The following FREM2 variants were observed in gnomAD, a reference collection of about 807,000 sequenced individuals.
FREM2 encodes FRAS1-related extracellular matrix protein 2.
FREM2 carries 119 observed loss-of-function variants against 219.9 expected under a neutral mutation model. The ratio of observed to expected loss-of-function variants is 0.54; its 90% CI spans 0.47 to 0.63. The LOEUF (loss-of-function observed/expected upper bound fraction) is 0.63. Ranked by LOEUF, FREM2 falls within the 30% of genes least tolerant of loss-of-function variation. The pLI, the probability that FREM2 is intolerant of heterozygous loss-of-function variation, is 0.00. For synonymous variants in FREM2, 1,562 were observed against 1,522.8 expected, an observed-to-expected ratio of 1.03 and a Z score of -0.60; for missense variants, 4,030 against 3,993.6, an observed-to-expected ratio of 1.01 and a Z score of -0.25.
At position 38,846,599 on chromosome 13, in the gene FREM2, G is replaced by C. The variant is rs1877163436; in HGVS notation, c.6046G>C (p.Glu2016Gln). The C allele has an allele frequency of 1.2e-6, 2 of 1,613,718 alleles. No individual in the cohort carries two copies. The highest frequency in any genetic ancestry group is 1.7e-6 in the Non-Finnish European group (2 of 1,179,776). Residue 2016 changes from glutamate (E) to glutamine (Q), a missense_variant, in exon 7 of 24, where the codon GAA becomes CAA. By Grantham distance (29) the Glu-to-Gln change is conservative (BLOSUM62 2). Around this residue, in one of 2 missense-constraint regions of FREM2, gnomAD observed 3,102 missense variants for 2,950.7 expected, o/e 1.05. Coordinates refer to ENST00000280481, the MANE Select transcript of FREM2 (RefSeq NM_207361.6). ...DEPIFYFGDV[E>Q]YSVDESAGYV... ...ACCCATCTTTTACTTCGGTGATGTG[G>C]AATACTCTGTGGATGAGAGTGCTGG... is the stretch of plus-strand genomic sequence containing the variant.
At chr13:38,725,712 A>C (rs538056607) in intron 2 of FREM2, among the ~76,000 whole-genome samples, 3 of 152,336 alleles carry the variant, frequency 2.0e-5, no homozygotes, top group Non-Finnish European at 2.9e-5. Context: ...TCTTCCACTT[A>C]AAGTTTTCAA....
chr13:38,781,991 C>G lies in FREM2; in HGVS notation c.5642-1079C>G, dbSNP rs559166241. Among the ~76,000 whole-genome samples, 40 of 152,258 alleles carry G rather than the reference C, an allele frequency of 2.6e-4. No individual in the cohort carries two copies. The South Asian group carries it at 7.7e-3, about 29-fold the overall frequency. ...CCTGGCCCACTCTGCTTTTGCCCTC[C>G]AAGTTCCTTCCTGTATTCCCCATTG... On this transcript the variant is annotated intron_variant, in intron 4 of 23. Coordinates refer to ENST00000280481, the MANE Select transcript of FREM2 (RefSeq NM_207361.6).
intron 6 of FREM2, among the ~76,000 whole-genome samples, chr13:38,787,347 C>T (rs1874370980): frequency 6.6e-6 from 1 of 152,154 alleles, no homozygotes; most frequent in Admixed American, 6.5e-5. Flanking sequence ...CCACTTCTAA[C>T]ATCACTACTA....
In FREM2 at chr13:38,877,105, C is replaced by T. The variant is rs1342749304; in HGVS notation, c.8545-12C>T. The T allele has an allele frequency of 6.2e-7, 1 of 1,613,928 alleles. No homozygotes were observed. The highest frequency in any genetic ancestry group is 1.1e-5 in the South Asian group (1 of 91,074). On this transcript the variant is annotated splice_polypyrimidine_tract_variant and intron_variant, in intron 20 of 23. Transcript: ENST00000280481. ...CACTGATGCATAAAAGAACTTTTAC[C>T]TTTGGTTTTAGGTCAGTGATCCAGT...
intron 2 of FREM2, among the ~76,000 whole-genome samples, chr13:38,756,279 G>A (rs1872994357): frequency 6.6e-6 from 1 of 152,094 alleles, no homozygotes; most frequent in African/African-American, 2.4e-5. Context: ...TGCTCCTAGG[G>A]GAAATACAGG....
intron 2 of FREM2, among the ~76,000 whole-genome samples, chr13:38,756,191 C>T (rs1872989540): frequency 6.6e-6 from 1 of 152,292 alleles, no homozygotes; most frequent in Admixed American, 6.5e-5. Flanking sequence ...TGAGTAAATA[C>T]AGTTGATTTT....
chr13:38,883,543 A>G lies in FREM2; in HGVS notation c.*2756A>G, dbSNP rs1273700653. ...AGTGGCTCTTCTAAGCATGTGAATC[A>G]TGAAGCACTGAAATATGTATTTTAA... On this transcript the variant is annotated 3_prime_UTR_variant, in exon 24 of 24. Coordinates refer to ENST00000280481, the MANE Select transcript of FREM2 (RefSeq NM_207361.6). 1.3e-5 allele frequency: 2 copies of G among 152,208 alleles called. No individual in the cohort carries two copies. Among genetic ancestry groups the G allele is most frequent in the African/African-American group, 4.8e-5 (2 of 41,442 alleles). The allele number at this position is 152,208 out of a possible 1,614,324, so 9.4% of individuals were successfully genotyped here. A position where few individuals can be genotyped will look rare whatever the true frequency, so the allele number is the denominator to read the frequency against.
In FREM2 at chr13:38,861,323, A is replaced by G. The variant is rs80279701; in HGVS notation, c.7520-108A>G. 1.1e-3 allele frequency: 1,182 copies of G among 1,110,890 alleles called. 15 individuals carry two copies. The African/African-American group carries it at 0.016, about 15-fold the overall frequency. The allele number at this position is 1,110,890 out of a possible 1,614,324, so 68.8% of individuals were successfully genotyped here. A position where few individuals can be genotyped will look rare whatever the true frequency, so the allele number is the denominator to read the frequency against. ...CTCTTAGCCATGCCCTACTCCACAG[A>G]GAAGTTGAAAGTACACAGAAAAATA... On this transcript the variant is annotated intron_variant, in intron 14 of 23. Coordinates refer to ENST00000280481, the MANE Select transcript of FREM2 (RefSeq NM_207361.6).
intron 6 of FREM2, among the ~76,000 whole-genome samples, chr13:38,806,924 TA>T (rs1875249807): frequency 6.6e-6 from 1 of 151,566 alleles, no homozygotes; most frequent in Non-Finnish European, 1.5e-5. Context: ...TCACCAAAAG[TA>T]GATTCCATCT....
chr13:38,876,438 T>C, intron 20 of FREM2, 56 bp downstream of exon 20: 1 of 1,460,688 alleles, frequency 6.8e-7, no homozygotes, highest in Non-Finnish European at 9.4e-7. Context: ...TTGTTTTTCA[T>C]TTATTAGTAA....
rs1869572512 is a variant in FREM2, at chr13:38,688,027, C to T, written c.683C>T (p.Pro228Leu). 6.2e-7 allele frequency: 1 copy of T among 1,610,866 alleles called. No individual in the cohort carries two copies. ...ATCCTGTCCGGCTTGGGCGCGCTGC[C>T]TCGCTATGGAGAACTCCTCCACTAC... ...VGILSGLGAL[P>L]RYGELLHYPQ... The change falls in exon 1 of 24, where the codon CCT becomes CTT. Residue 228 changes from proline (P) to leucine (L), a missense_variant. By Grantham distance (98) the Pro-to-Leu change is moderately conservative. This residue lies in a region of FREM2 where 3,102 missense variants were observed against 2,950.7 expected (regional missense o/e 1.05). Transcript: ENST00000280481.
chr13:38,723,267 A>G (rs555622508), intron 2 of FREM2, among the ~76,000 whole-genome samples: 1 of 151,630 alleles, frequency 6.6e-6, no homozygotes, highest in South Asian at 2.1e-4. Context: ...AAAATAAAAT[A>G]AAACAGCTGG....
intron 10 of FREM2, among the ~76,000 whole-genome samples, chr13:38,851,310 A>T (rs1250538889): frequency 6.6e-6 from 1 of 152,214 alleles, no homozygotes; most frequent in African/African-American, 2.4e-5. Context: ...GCTGGAGAAT[A>T]TGGCTTATAT....
intron 2 of FREM2, among the ~76,000 whole-genome samples, chr13:38,706,909 T>A (rs1870563555): frequency 1.3e-5 from 2 of 152,184 alleles, no homozygotes; most frequent in South Asian, 4.1e-4. Flanking sequence ...TGTGACACAG[T>A]GATGAATGCA....
intron 2 of FREM2, among the ~76,000 whole-genome samples, chr13:38,710,201 CA>C (rs1392747689): frequency 2.0e-5 from 3 of 151,750 alleles, no homozygotes; most frequent in African/African-American, 7.2e-5. Flanking sequence ...ACAACAACAA[CA>C]AAAAAACACA....
intron 6 of FREM2, among the ~76,000 whole-genome samples, chr13:38,838,780 G>A (rs914694110): frequency 6.6e-6 from 1 of 152,078 alleles, no homozygotes; most frequent in African/African-American, 2.4e-5. Flanking sequence ...TATGCTTCAC[G>A]AAGTTCTCGT....
intron 2 of FREM2, among the ~76,000 whole-genome samples, chr13:38,740,408 G>A (rs1872195862): frequency 6.6e-6 from 1 of 152,132 alleles, no homozygotes; most frequent in South Asian, 2.1e-4. Flanking sequence ...CTTTAGCAAT[G>A]TGTACACTAT....
intron 6 of FREM2, among the ~76,000 whole-genome samples, chr13:38,795,327 T>C (rs1283902713): frequency 2.3e-5 from 1 of 43,056 alleles, no homozygotes; most frequent in East Asian, 3.7e-4. Flanking sequence ...TTCCAACATA[T>C]TTTTTTTTTT....
chr13:38,791,922 C>T (rs189219348), intron 6 of FREM2, among the ~76,000 whole-genome samples: 1 of 152,284 alleles, frequency 6.6e-6, no homozygotes, highest in Non-Finnish European at 1.5e-5. Flanking sequence ...ATGTCTTCAT[C>T]TACTTTTATC....
Sources: allele counts gnomAD v4.1 joint callset (sites outside exome capture counted in the v4.1 genomes callset), GRCh38; gene constraint gnomAD v4.1.1; regional missense constraint gnomAD v4.1.1; transcripts MANE v1.5; gene names NCBI Gene and HGNC (gene_info 2026-07-23, HGNC 2026-07-21).